Variants in UTRN observed in about 807,000 individuals in gnomAD.
UTRN encodes dystrophin-related protein 1.
In UTRN, 283 loss-of-function variants were observed where a neutral mutation model predicts 463.9. That is an observed-to-expected ratio of 0.61 (90% CI 0.55 to 0.67). UTRN has a LOEUF of 0.67. UTRN is among the 30% of genes least tolerant of loss of function. UTRN has a pLI of 0.00. For synonymous variants in UTRN, 1,442 were observed against 1,431.5 expected, an observed-to-expected ratio of 1.01 and a Z score of -0.17; for missense variants, 3,922 against 4,084.3, an observed-to-expected ratio of 0.96 and a Z score of 1.08.
chr6:144,473,903 AT>A, intron 24 of UTRN, 70 bp downstream of exon 24: 3 of 1,103,226 alleles, frequency 2.7e-6, no homozygotes. Context: ...ATTTGCTGCT[AT>A]TATTAAAATT....
intron 41 of UTRN, among the ~76,000 whole-genome samples, chr6:144,524,750 G>A (rs906815049): frequency 3.3e-5 from 5 of 152,082 alleles, no homozygotes; most frequent in African/African-American, 1.2e-4. Flanking sequence ...GTGAAAGTGG[G>A]CATCCTTTTC....
chr6:144,462,942 ATT>A, intron 23 of UTRN, 76 bp downstream of exon 23: 2 of 1,177,708 alleles, frequency 1.7e-6, no homozygotes, highest in Non-Finnish European at 2.4e-6. Context: ...TCACGTATTT[ATT>A]ATTTAAATAT....
chr6:144,823,581 A>G (rs555623116), intron 66 of UTRN, among the ~76,000 whole-genome samples: 17 of 152,276 alleles, frequency 1.1e-4, no homozygotes, highest in African/African-American at 4.1e-4. Flanking sequence ...ACATGCATGC[A>G]TGGAGGAGGG....
At chr6:144,707,318 G>GA (rs527483869) in intron 53 of UTRN, among the ~76,000 whole-genome samples, 1 of 151,984 alleles carries the variant, frequency 6.6e-6, no homozygotes, top group Admixed American at 6.6e-5. Flanking sequence ...TTATTAGAGA[G>GA]AAAAAAACCT....
In UTRN at chr6:144,814,179, T is replaced by C. The variant is rs190994625; in HGVS notation, c.9358-6703T>C. Among the ~76,000 whole-genome samples the C allele has an allele frequency of 2.6e-5, 4 of 152,306 alleles. 1 individual carries two copies. Among genetic ancestry groups the C allele is most frequent in the Admixed American group, 2.6e-4 (4 of 15,304 alleles). On this transcript the variant is annotated intron_variant, in intron 65 of 74. Coordinates refer to ENST00000367545, the MANE Select transcript of UTRN (RefSeq NM_007124.3). Reference sequence around the variant, plus strand: ...CTTGGAAGTGATTAGGTCATGAGGATGGAGCTGTCATAAATGAAATTAGTA... The same window carrying C: ...CTTGGAAGTGATTAGGTCATGAGGACGGAGCTGTCATAAATGAAATTAGTA...
intron 2 of UTRN, among the ~76,000 whole-genome samples, chr6:144,400,434 C>T (rs571906605): frequency 1.3e-5 from 2 of 152,172 alleles, no homozygotes; most frequent in South Asian, 4.2e-4. Context: ...TCCTGTTACT[C>T]GTCTGCTATT....
chr6:144,330,387 T>C (rs939480830), intron 2 of UTRN, among the ~76,000 whole-genome samples: 10 of 152,352 alleles, frequency 6.6e-5, no homozygotes, highest in Admixed American at 6.5e-4. Context: ...AGTGCATTAA[T>C]GGATGGATCC....
chr6:144,322,685 T>C (rs573266246), intron 2 of UTRN, among the ~76,000 whole-genome samples: 2 of 152,294 alleles, frequency 1.3e-5, no homozygotes, highest in Non-Finnish European at 2.9e-5. Flanking sequence ...ACGCCTATAA[T>C]CCCAGCACTT....
intron 51 of UTRN, among the ~76,000 whole-genome samples, chr6:144,578,699 G>T (rs1481629714): frequency 4.6e-5 from 7 of 152,198 alleles, no homozygotes; most frequent in Admixed American, 4.6e-4. Flanking sequence ...CAAGGGCAGA[G>T]ATTATATTAT....
chr6:144,285,595 G>A lies in UTRN; in HGVS notation c.-319G>A, dbSNP rs988803114. The A allele has an allele frequency of 6.6e-6, 1 of 152,230 alleles. No homozygotes were observed. Among genetic ancestry groups the A allele is most frequent in the African/African-American group, 2.4e-5 (1 of 41,462 alleles). The allele number at this position is 152,230 out of a possible 1,614,324, so 9.4% of individuals were successfully genotyped here. ...AGGCAGGAAGATTGCACAAGTAAGG[G>A]GCGTTTTCAGTCGGGTGTCAATTTC... On this transcript the variant is annotated 5_prime_UTR_variant, in exon 1 of 75. Transcript: ENST00000367545.
Position 144,490,115 on chromosome 6 carries a change from G to C in UTRN, c.4179G>C (p.Glu1393Asp). ...EISAHELTLE[E>D]LRRNMRSQPL... ...CAGCCCATGAGCTAACCCTAGAGGAGTTGAGAAGAAATATGCGTTCTCAGC... is the reference window on the plus strand; with the variant it reads ...CAGCCCATGAGCTAACCCTAGAGGACTTGAGAAGAAATATGCGTTCTCAGC... Residue 1393 changes from glutamate to aspartate, a missense_variant, in exon 31 of 75, where the codon GAG becomes GAC. Around this residue, in one of 3 missense-constraint regions of UTRN, gnomAD observed 2,349 missense variants for 2,303.8 expected, o/e 1.02. Coordinates refer to ENST00000367545, the MANE Select transcript of UTRN (RefSeq NM_007124.3). The C allele has an allele frequency of 1.9e-6, 3 of 1,613,702 alleles. No individual in the cohort carries two copies. Among genetic ancestry groups the C allele is most frequent in the Non-Finnish European group, 2.5e-6 (3 of 1,179,836 alleles).
chr6:144,384,037 G>A (rs1245116547), intron 2 of UTRN, among the ~76,000 whole-genome samples: 1 of 152,042 alleles, frequency 6.6e-6, no homozygotes, highest in Non-Finnish European at 1.5e-5. Context: ...TATTGCATCT[G>A]GTTTTTTTCC....
intron 9 of UTRN, among the ~76,000 whole-genome samples, chr6:144,433,828 G>A (rs1390959256): frequency 2.0e-5 from 3 of 150,914 alleles, no homozygotes; most frequent in East Asian, 2.0e-4. Context: ...ATGGGATGGC[G>A]GCCGGGCAGA....
chr6:144,400,998 A>T (rs2114792082), intron 2 of UTRN, among the ~76,000 whole-genome samples: 1 of 152,290 alleles, frequency 6.6e-6, no homozygotes, highest in East Asian at 1.9e-4. Context: ...CTGGGGAGAA[A>T]CCTACATAGT....
chr6:144,802,053 C>T (rs556388503), intron 64 of UTRN, among the ~76,000 whole-genome samples: 1 of 152,136 alleles, frequency 6.6e-6, no homozygotes, highest in Non-Finnish European at 1.5e-5. Context: ...AATGTGCTAA[C>T]AGTACAAGGG....
intron 2 of UTRN, among the ~76,000 whole-genome samples, chr6:144,332,195 C>T (rs1219875054): frequency 6.6e-6 from 1 of 152,208 alleles, no homozygotes; most frequent in Non-Finnish European, 1.5e-5. Flanking sequence ...CACTTGTCAC[C>T]ATTGCTCATT....
chr6:144,769,114 A>G (rs1793720676), intron 58 of UTRN, among the ~76,000 whole-genome samples: 1 of 151,668 alleles, frequency 6.6e-6, no homozygotes, highest in Admixed American at 6.6e-5. Flanking sequence ...ATTAATTAGA[A>G]CCCAAGCTGT....
intron 2 of UTRN, among the ~76,000 whole-genome samples, chr6:144,323,764 A>G (rs1775809751): frequency 6.6e-6 from 1 of 152,188 alleles, no homozygotes; most frequent in Non-Finnish European, 1.5e-5. Flanking sequence ...CAGGGGATTA[A>G]TCAAACTGGC....
In UTRN at chr6:144,787,529, A is replaced by G. The variant is rs936776166; in HGVS notation, c.8835-1665A>G. 2.0e-5 allele frequency among the ~76,000 whole-genome samples: 3 copies of G among 152,158 alleles called. No homozygotes were observed. The East Asian group carries it at 5.8e-4, about 29-fold the overall frequency. ...TCTATCCTATTGAGGGAGTACTTTG[A>G]AAATACATTGCACCAATCCCTAAGC... On this transcript the variant is annotated intron_variant, in intron 61 of 74. Transcript: ENST00000367545.
Sources: allele counts gnomAD v4.1 joint callset (sites outside exome capture counted in the v4.1 genomes callset), GRCh38; gene constraint gnomAD v4.1.1; regional missense constraint gnomAD v4.1.1; transcripts MANE v1.5; gene names NCBI Gene and HGNC (gene_info 2026-07-23, HGNC 2026-07-21).